The following ZBED6 variants were observed in gnomAD, a reference collection of about 807,000 sequenced individuals.
ZBED6 encodes zinc finger BED-type containing 6, also known as zinc finger BED domain-containing protein 6.
ZBED6 carries 40 observed loss-of-function variants against 58.4 expected under a neutral mutation model. The ratio of observed to expected loss-of-function variants is 0.68; its 90% CI spans 0.53 to 0.89. ZBED6 has a LOEUF of 0.89. ZBED6 is among the 40% of genes least tolerant of loss of function. The probability of loss-of-function intolerance (pLI) is 0.00; values close to 1 mark genes in which losing one functional copy is unlikely to be tolerated. For synonymous variants in ZBED6, 439 were observed against 350.6 expected (o/e 1.25, Z -2.82); for missense variants, 1,057 against 1,003.9 (o/e 1.05, Z -0.71).
In ZBED6 at chr1:203,797,042, G is replaced by C. The variant is rs1465087289; in HGVS notation, c.-481G>C. ...TGTTTTTGTTTAAATGAGATTTCCT[G>C]AAAATAGTTAATTTCAGAATTAAGG... On this transcript the variant is annotated 5_prime_UTR_variant, in exon 1 of 17. An upstream open reading frame in the 5' UTR loses its in-frame stop. Coordinates refer to ENST00000550078, the Ensembl canonical transcript of ZBED6. The C allele has an allele frequency of 6.5e-6, 1 of 153,384 alleles. No individual in the cohort carries two copies. The highest frequency in any genetic ancestry group is 3.4e-3 in the Middle Eastern group (1 of 294). 9.5% of individuals were successfully genotyped at this position (153,384 alleles called of 1,614,324 possible). A position where few individuals can be genotyped will look rare whatever the true frequency, so the allele number is the denominator to read the frequency against.
exon 1 of ZBED6, chr1:203,797,727 C>G (rs1242687767): frequency 6.5e-7 from 1 of 1,534,682 alleles, no homozygotes; most frequent in Non-Finnish European, 8.7e-7. Context: ...GAAGGGTTTG[C>G]GAATTAAGGG....
At chr1:203,809,941 C>T (rs149861433) in intron 1 of ZBED6, among the ~76,000 whole-genome samples, 2 of 152,030 alleles carry the variant, frequency 1.3e-5, no homozygotes, top group African/African-American at 2.4e-5. Flanking sequence ...GGCAACAGAG[C>T]GAGACTCTCT....
At chr1:203,809,813 G>T (rs1337667247) in intron 1 of ZBED6, among the ~76,000 whole-genome samples, 1 of 152,054 alleles carries the variant, frequency 6.6e-6, no homozygotes, top group African/African-American at 2.4e-5. Context: ...AATTAGCCAG[G>T]CATGGTGGCA....
At chr1:203,845,151 C>T (rs1687543126) in intron 11 of ZBED6, among the ~76,000 whole-genome samples, 1 of 152,204 alleles carries the variant, frequency 6.6e-6, no homozygotes, top group African/African-American at 2.4e-5. Context: ...TCTGTAAATT[C>T]AGACATCTGC....
intron 3 of ZBED6, among the ~76,000 whole-genome samples, chr1:203,827,001 A>G (rs917309496): frequency 2.0e-5 from 3 of 152,094 alleles, no homozygotes; most frequent in Non-Finnish European, 1.5e-5. Context: ...CAGCATCCCA[A>G]CTACTCTACC....
chr1:203,798,422 C>T, exon 1 of ZBED6: 1 of 1,534,384 alleles, frequency 6.5e-7, no homozygotes, highest in Non-Finnish European at 8.7e-7. Flanking sequence ...CAGGGTCCCA[C>T]TTAGGGACTT....
exon 1 of ZBED6, chr1:203,797,802 C>G (rs904831183): frequency 3.3e-6 from 5 of 1,535,912 alleles, no homozygotes; most frequent in African/African-American, 1.4e-5. Context: ...ATCTGGGAGG[C>G]CTGTTGCAGA....
exon 1 of ZBED6, chr1:203,800,720 A>G (rs1158414523): frequency 6.9e-6 from 2 of 291,004 alleles, no homozygotes; most frequent in East Asian, 6.2e-5. Context: ...TAAAAAAAAT[A>G]TAGTGCAGCA....
chr1:203,833,978 T>C (rs1043248780), intron 9 of ZBED6, 125 bp downstream of exon 9: 14 of 1,394,328 alleles, frequency 1.0e-5, no homozygotes, highest in African/African-American at 2.9e-5. Context: ...AAAGCACTTA[T>C]AAATTCCTCA....
At chr1:203,798,100 C>A in exon 1 of ZBED6, 1 of 1,536,118 alleles carries the variant, frequency 6.5e-7, no homozygotes, top group Non-Finnish European at 8.7e-7. Context: ...TTTGGAGTTG[C>A]TAGTGGAGAG....
chr1:203,847,387 C>G (rs4019824), exon 12 of ZBED6: 3 of 1,613,812 alleles, frequency 1.9e-6, no homozygotes, highest in South Asian at 2.2e-5. Flanking sequence ...AAAAAAACAT[C>G]GGCAGCAGGA....
At chr1:203,822,049 G>T (rs1306331389) in intron 3 of ZBED6, among the ~76,000 whole-genome samples, 1 of 151,986 alleles carries the variant, frequency 6.6e-6, no homozygotes, top group Non-Finnish European at 1.5e-5. Flanking sequence ...GAGCCACCGT[G>T]CCTGGCCCTA....
At chr1:203,840,226 A>G in intron 10 of ZBED6, 80 bp from the exon 11 acceptor site, 1 of 1,416,660 alleles carries the variant, frequency 7.1e-7, no homozygotes, top group Non-Finnish European at 9.9e-7. Flanking sequence ...GGTGTATGCC[A>G]CCATGCCCAG....
intron 3 of ZBED6, among the ~76,000 whole-genome samples, chr1:203,826,169 G>A (rs1470999130): frequency 6.6e-6 from 1 of 152,084 alleles, no homozygotes; most frequent in Non-Finnish European, 1.5e-5. Flanking sequence ...TCTACCTTTC[G>A]GGTGTGACAG....
chr1:203,852,018 G>T (rs1398748581), intron 16 of ZBED6, 123 bp from the exon 17 acceptor site: 45 of 320,332 alleles, frequency 1.4e-4, no homozygotes, highest in East Asian at 4.0e-4. Context: ...ATCAGTAAAA[G>T]AATTATTTCT....
At chr1:203,822,649 G>C (rs1043889372) in intron 3 of ZBED6, among the ~76,000 whole-genome samples, 2 of 152,046 alleles carry the variant, frequency 1.3e-5, no homozygotes, top group Non-Finnish European at 2.9e-5. Context: ...ATCCTACATT[G>C]TGATCTCTTC....
chr1:203,840,294 T>G lies in ZBED6; in HGVS notation c.*3673-12T>G, dbSNP rs1685704685. ...TTCAACTTTTGATTTTTGAAAATCT[T>G]TCTTTTCACAGCTCAAGTTTCCAAG... On this transcript the variant is annotated splice_polypyrimidine_tract_variant and intron_variant, in intron 10 of 16. Transcript: ENST00000550078. The G allele has an allele frequency of 6.2e-7, 1 of 1,611,634 alleles. No homozygotes were observed. The highest frequency in any genetic ancestry group is 1.3e-5 in the African/African-American group (1 of 74,788).
intron 3 of ZBED6, among the ~76,000 whole-genome samples, chr1:203,822,559 C>T (rs1679138979): frequency 6.6e-6 from 1 of 152,098 alleles, no homozygotes. Flanking sequence ...ACCAGGTTCC[C>T]TTGGGAATAC....
exon 1 of ZBED6, chr1:203,796,395 C>G (rs1217544814): frequency 5.0e-6 from 2 of 399,096 alleles, no homozygotes; most frequent in Non-Finnish European, 8.8e-6. Context: ...CACTCCCACC[C>G]CTGGCCCTCA....
Sources: gnomAD v4.1 joint callset for allele counts (sites outside exome capture counted in the v4.1 genomes callset) on GRCh38, gnomAD v4.1.1 for gene constraint, MANE v1.5 for transcripts, NCBI Gene and HGNC (gene_info 2026-07-23, HGNC 2026-07-21) for gene names.